EDIL3: variants seen among roughly 807,000 people sequenced by gnomAD.
The protein encoded by EDIL3 is EGF-like repeat and discoidin I-like domain-containing protein 3.
Under a neutral mutation model 67.4 loss-of-function variants are expected in EDIL3, and 37 were observed. That is an observed-to-expected ratio of 0.55 (90% CI 0.42 to 0.72). The LOEUF is 0.72. Ranked by LOEUF, EDIL3 falls within the 30% of genes least tolerant of loss-of-function variation. EDIL3 has a pLI of 0.00. For synonymous variants in EDIL3, 195 were observed against 196.3 expected (o/e 0.99, Z 0.05); for missense variants, 527 against 586.3 (o/e 0.90, Z 1.04).
chr5:84,102,915 A>C (rs1747393148), intron 6 of EDIL3, among the ~76,000 whole-genome samples: 1 of 151,854 alleles, frequency 6.6e-6, no homozygotes, highest in African/African-American at 2.4e-5. Flanking sequence ...ACAACAACAA[A>C]AATAAAACCC....
intron 1 of EDIL3, among the ~76,000 whole-genome samples, chr5:84,372,150 C>T (rs2112213802): frequency 6.6e-6 from 1 of 152,132 alleles, no homozygotes; most frequent in East Asian, 1.9e-4. Context: ...TTTGGCAAGC[C>T]TGTTGAATAA....
intron 2 of EDIL3, among the ~76,000 whole-genome samples, chr5:84,244,580 C>T (rs975138028): frequency 2.0e-5 from 3 of 152,058 alleles, no homozygotes; most frequent in Non-Finnish European, 4.4e-5. Flanking sequence ...TGAGCCACTG[C>T]TCCAGGCCAA....
chr5:84,046,896 A>G (rs1460626892), intron 9 of EDIL3, among the ~76,000 whole-genome samples: 2 of 152,172 alleles, frequency 1.3e-5, no homozygotes, highest in Non-Finnish European at 2.9e-5. Context: ...TTTCAATACC[A>G]CTTCTAAGCA....
chr5:84,180,656 T>A, intron 3 of EDIL3, 135 bp from the exon 4 acceptor site: 1 of 1,031,438 alleles, frequency 9.7e-7, no homozygotes. Flanking sequence ...ACTGGTTGTA[T>A]GAGCTCTGGA....
chr5:84,221,617 T>C (rs986412802), intron 3 of EDIL3, among the ~76,000 whole-genome samples: 4 of 152,100 alleles, frequency 2.6e-5, no homozygotes, highest in Non-Finnish European at 5.9e-5. Flanking sequence ...CTTGGTAAAC[T>C]GACCAAAGCC....
At chr5:84,276,555 T>C (rs576689547) in intron 1 of EDIL3, among the ~76,000 whole-genome samples, 173 of 152,212 alleles carry the variant, frequency 1.1e-3, no homozygotes, top group Non-Finnish European at 2.2e-3. Flanking sequence ...TCTCTTGCCA[T>C]TGCTTTGATT....
At chr5:84,373,888 C>G (rs1321325678) in intron 1 of EDIL3, among the ~76,000 whole-genome samples, 1 of 151,924 alleles carries the variant, frequency 6.6e-6, no homozygotes, top group Non-Finnish European at 1.5e-5. Context: ...AATAGCATTG[C>G]CAGTAGGTAC....
chr5:83,985,842 T>A (rs1458136245), intron 9 of EDIL3, among the ~76,000 whole-genome samples: 1 of 152,038 alleles, frequency 6.6e-6, no homozygotes, highest in Non-Finnish European at 1.5e-5. Context: ...TACACAATTT[T>A]AAATCTGCTT....
At chr5:84,346,145 T>C (rs1747235706) in intron 1 of EDIL3, among the ~76,000 whole-genome samples, 1 of 148,542 alleles carries the variant, frequency 6.7e-6, no homozygotes, top group Non-Finnish European at 1.5e-5. Context: ...CTTTTTTTTT[T>C]TTTTTTTTGA....
intron 10 of EDIL3, among the ~76,000 whole-genome samples, chr5:83,946,117 A>T (rs1262510428): frequency 6.6e-6 from 1 of 152,010 alleles, no homozygotes; most frequent in African/African-American, 2.4e-5. Context: ...AGATTTCTAG[A>T]AAGTGCTTTC....
intron 5 of EDIL3, among the ~76,000 whole-genome samples, chr5:84,137,027 G>A (rs1580344286): frequency 6.6e-6 from 1 of 152,082 alleles, no homozygotes; most frequent in East Asian, 1.9e-4. Flanking sequence ...TAGAGAATAT[G>A]TGTGCATTAA....
At chr5:84,208,451 G>A (rs978890851) in intron 3 of EDIL3, among the ~76,000 whole-genome samples, 100 of 151,490 alleles carry the variant, frequency 6.6e-4, no homozygotes, top group Middle Eastern at 6.9e-3. Flanking sequence ...AGGCCGAGGC[G>A]GGTGGATCAT....
intron 2 of EDIL3, among the ~76,000 whole-genome samples, chr5:84,245,082 C>T (rs141560879): frequency 1.3e-4 from 20 of 152,240 alleles, no homozygotes; most frequent in African/African-American, 4.8e-4. Context: ...AATGCTTATT[C>T]CTTCTCTCAT....
Position 84,342,095 on chromosome 5 carries a change from G to A in EDIL3, c.67+42213C>T, listed in dbSNP as rs73144548. 3.0e-3 allele frequency among the ~76,000 whole-genome samples: 450 copies of A among 152,094 alleles called. 3 individuals carry two copies. The highest frequency in any genetic ancestry group is 0.01 in the African/African-American group (420 of 41,502). ...ACACGATTCACAACAACAAAGATAC[G>A]GAATCAATGTAAGTGTCCATCAATG... On this transcript the variant is annotated intron_variant, in intron 1 of 10. Transcript: ENST00000296591.
intron 3 of EDIL3, among the ~76,000 whole-genome samples, chr5:84,210,877 T>C (rs994352128): frequency 5.3e-5 from 8 of 152,214 alleles, no homozygotes; most frequent in Non-Finnish European, 8.8e-5. Flanking sequence ...CTTATGAATA[T>C]TTCATTACAC....
chr5:83,972,201 T>C (rs1431835341), intron 9 of EDIL3, among the ~76,000 whole-genome samples: 1 of 152,122 alleles, frequency 6.6e-6, no homozygotes, highest in African/African-American at 2.4e-5. Flanking sequence ...CTTTGTCACA[T>C]TTGTATTACT....
At chr5:83,981,622 C>T (rs1561392861) in intron 9 of EDIL3, among the ~76,000 whole-genome samples, 1 of 151,862 alleles carries the variant, frequency 6.6e-6, no homozygotes, top group Non-Finnish European at 1.5e-5. Flanking sequence ...ACACTAAATC[C>T]GTGAATGCAA....
chr5:84,353,258 T>G (rs1343826330), intron 1 of EDIL3, among the ~76,000 whole-genome samples: 1 of 152,194 alleles, frequency 6.6e-6, no homozygotes, highest in Non-Finnish European at 1.5e-5. Flanking sequence ...AAGTTCCATG[T>G]GAACCACCTA....
chr5:84,361,240 G>A (rs923087715), intron 1 of EDIL3, among the ~76,000 whole-genome samples: 2 of 149,910 alleles, frequency 1.3e-5, no homozygotes, highest in Non-Finnish European at 3.0e-5. Flanking sequence ...AGATTCTGAT[G>A]ATACCACCAT....
Sources: gnomAD v4.1 joint callset for allele counts (sites outside exome capture counted in the v4.1 genomes callset) on GRCh38, gnomAD v4.1.1 for gene constraint, MANE v1.5 for transcripts, NCBI Gene and HGNC (gene_info 2026-07-23, HGNC 2026-07-21) for gene names.